The following ATP13A4 variants were observed in gnomAD, a reference collection of about 807,000 sequenced individuals.
ATP13A4 encodes the protein probable cation-transporting ATPase 13A4.
In ATP13A4, 114 loss-of-function variants were observed where a neutral mutation model predicts 142.5. The observed-to-expected ratio is 0.80, with a 90% CI of 0.69 to 0.93. The LOEUF (loss-of-function observed/expected upper bound fraction) is 0.93, where lower values mean the gene tolerates loss of function less well. Among genes scored for constraint, ATP13A4 ranks in the 40% least tolerant of loss-of-function variants. The probability of loss-of-function intolerance (pLI) is 0.00; values close to 1 mark genes in which losing one functional copy is unlikely to be tolerated. For missense variants in ATP13A4, 1,392 were observed against 1,454.0 expected, an observed-to-expected ratio of 0.96 and a Z score of 0.69; for synonymous variants, 488 against 514.8, an observed-to-expected ratio of 0.95 and a Z score of 0.70.
In ATP13A4 at chr3:193,412,189, G is replaced by T. The variant is rs1714804185; in HGVS notation, c.3197C>A (p.Thr1066Asn). The change falls in exon 27 of 30, where the codon ACT becomes AAT. Residue 1066 changes from threonine to asparagine, a missense_variant. Physicochemically the swap from Thr to Asn is moderately conservative, Grantham distance 65. Transcript: ENST00000342695. Reference protein sequence around the residue: ...FSKGKPFRQPTYTNYIFVLVL... With the variant: ...FSKGKPFRQPNYTNYIFVLVL... ...ACAGTTCTACTCACAGTTTGTATAA[G>T]TTGGCTGTCTAAATGGTTTTCCTTT... 12 of 1,605,110 alleles carry T rather than the reference G, an allele frequency of 7.5e-6. No individual in the cohort carries two copies. Among genetic ancestry groups the T allele is most frequent in the Non-Finnish European group, 8.5e-6 (10 of 1,171,948 alleles).
chr3:193,539,509 A>T (rs1722767617), intron 1 of ATP13A4, among the ~76,000 whole-genome samples: 1 of 152,234 alleles, frequency 6.6e-6, no homozygotes, highest in Admixed American at 6.5e-5. Flanking sequence ...CTGGAGAAAG[A>T]ATACTTTCTG....
intron 8 of ATP13A4, among the ~76,000 whole-genome samples, chr3:193,471,691 C>T (rs182971184): frequency 1.3e-5 from 2 of 152,070 alleles, no homozygotes; most frequent in Admixed American, 1.3e-4. Context: ...CACACACACA[C>T]ACAAACACAA....
In ATP13A4 at chr3:193,414,670, C is replaced by G. The variant is rs930860587; in HGVS notation, c.2923G>C (p.Val975Leu). The G allele has an allele frequency of 1.2e-6, 2 of 1,614,136 alleles. No homozygotes were observed. The highest frequency in any genetic ancestry group is 2.7e-5 in the African/African-American group (2 of 75,040). The change falls in exon 26 of 30, where the codon GTG (valine) becomes CTG (leucine). Residue 975 changes from valine (V) to leucine (L), a missense_variant. Coordinates refer to ENST00000342695, the MANE Select transcript of ATP13A4 (RefSeq NM_032279.4). The stretch of plus-strand genomic sequence containing the variant: ...AGGCTGAGAAGAATGTTGAAAATCA[C>G]AGAGAGTAGCAGAGGTGGAGAGATC... ...RLISPPLLLS[V>L]IFNILLSLAM... is the part of the protein sequence containing the mutation.
chr3:193,573,299 A>ACT (rs1724321672), intron 2 of ATP13A4, among the ~76,000 whole-genome samples: 2 of 78,596 alleles, frequency 2.5e-5, no homozygotes, highest in Admixed American at 1.3e-4. Context: ...ACACATATAT[A>ACT]TATATATACA....
chr3:193,495,001 G>C (rs1019892411), intron 3 of ATP13A4, among the ~76,000 whole-genome samples: 1 of 152,024 alleles, frequency 6.6e-6, no homozygotes, highest in African/African-American at 2.4e-5. Context: ...GATAAATCTA[G>C]AAGAAATGGA....
chr3:193,588,839 T>A, intron 1 of ATP13A4, among the ~76,000 whole-genome samples: 1 of 152,066 alleles, frequency 6.6e-6, no homozygotes, highest in East Asian at 1.9e-4. Context: ...TTTACTCTTT[T>A]TAAAAAAATA....
intron 2 of ATP13A4, among the ~76,000 whole-genome samples, chr3:193,565,280 G>T (rs954479687): frequency 3.2e-4 from 49 of 152,156 alleles, no homozygotes; most frequent in African/African-American, 1.2e-3. Context: ...GAGTCAATAT[G>T]AAGTTAGGTG....
At chr3:193,438,675 AGGT>A in intron 22 of ATP13A4, 91 bp from the exon 23 acceptor site, 1 of 1,148,316 alleles carries the variant, frequency 8.7e-7, no homozygotes, top group Non-Finnish European at 1.3e-6. Context: ...GCTGGCCACA[AGGT>A]GGTTTGTGTG....
intron 25 of ATP13A4, among the ~76,000 whole-genome samples, chr3:193,417,939 G>A (rs1262910187): frequency 4.1e-5 from 6 of 145,900 alleles, no homozygotes; most frequent in East Asian, 4.4e-4. Flanking sequence ...CGGCTAAAAC[G>A]GTGAAACCCC....
chr3:193,467,795 T>C (rs1687923952), intron 9 of ATP13A4, among the ~76,000 whole-genome samples: 1 of 151,982 alleles, frequency 6.6e-6, no homozygotes, highest in Non-Finnish European at 1.5e-5. Context: ...GGCTGTGCAG[T>C]CAAGAATGTG....
chr3:193,408,797 TTC>T lies in ATP13A4; in HGVS notation c.3298-1406_3298-1405del, dbSNP rs201958433. 7.9e-3 allele frequency among the ~76,000 whole-genome samples: 1,196 copies of T among 152,276 alleles called. 51 individuals carry two copies. The highest frequency in any genetic ancestry group is 0.073 in the Admixed American group (1,116 of 15,282). Reference sequence around the variant, plus strand: ...CATCTAGCCCTCCTTCTTCCCTCCCTTCGTTTTAGAGGATAAACCCACATCAC... The same window carrying T: ...CATCTAGCCCTCCTTCTTCCCTCCCTGTTTTAGAGGATAAACCCACATCAC... On this transcript the variant is annotated intron_variant, in intron 28 of 29. Transcript: ENST00000342695.
chr3:193,562,435 A>G (rs1297571518), intron 2 of ATP13A4, among the ~76,000 whole-genome samples: 1 of 152,198 alleles, frequency 6.6e-6, no homozygotes, highest in East Asian at 1.9e-4. Flanking sequence ...AAAAATGGGA[A>G]ATATCTGTGT....
intron 2 of ATP13A4, among the ~76,000 whole-genome samples, chr3:193,562,446 G>A (rs564673119): frequency 5.3e-4 from 80 of 152,302 alleles, no homozygotes; most frequent in African/African-American, 1.9e-3. Context: ...ATATCTGTGT[G>A]TGCGATGTAA....
At position 193,457,148 on chromosome 3, in the gene ATP13A4, T is replaced by TGGGACCTG. The variant is rs1011956281; in HGVS notation, c.1762-3_1766dup (p.Val590ArgfsTer22). 6.2e-7 allele frequency: 1 copy of TGGGACCTG among 1,612,880 alleles called. No homozygotes were observed. The highest frequency in any genetic ancestry group is 1.3e-5 in the African/African-American group (1 of 74,908). ...GATGCAGGATTGCAATTCCTTCCAC[T>TGGGACCTG]GGGACCTGGTTGAGGGATGGGGAAA... On this transcript the variant is annotated frameshift_variant, in exon 16 of 30. Transcript: ENST00000342695. LOFTEE classifies it high-confidence loss of function.
In ATP13A4 at chr3:193,407,352, G is replaced by A. The variant is rs1372239986; in HGVS notation, c.3339C>T (p.Ile1113=). ...TPVLWRASIV[I]MLSLNFIVSL... ...ACACAATGAAATTCAAGCTGAGCAT[G>A]ATGACAATGGAGGCCCTCCACAGGA... The change falls in exon 29 of 30, where the codon ATC becomes ATT. Residue 1113 remains isoleucine, a synonymous_variant. Coordinates refer to ENST00000342695, the MANE Select transcript of ATP13A4 (RefSeq NM_032279.4). 4 of 1,613,720 alleles carry A rather than the reference G, an allele frequency of 2.5e-6. No homozygotes were observed. Among genetic ancestry groups the A allele is most frequent in the Admixed American group, 1.7e-5 (1 of 60,002 alleles).
chr3:193,563,920 C>T (rs188342373), intron 2 of ATP13A4, among the ~76,000 whole-genome samples: 145 of 152,182 alleles, frequency 9.5e-4, no homozygotes, highest in African/African-American at 3.4e-3. Context: ...AAATGAGAGC[C>T]AGAAAAGTTA....
chr3:193,527,642 C>T (rs112039738), intron 1 of ATP13A4, among the ~76,000 whole-genome samples: 4 of 151,828 alleles, frequency 2.6e-5, no homozygotes, highest in Non-Finnish European at 4.4e-5. Context: ...GCACTTCCCC[C>T]CTCCCCTGCC....
intron 13 of ATP13A4, among the ~76,000 whole-genome samples, chr3:193,462,302 G>A (rs74365758): frequency 3.3e-5 from 5 of 151,784 alleles, no homozygotes; most frequent in Admixed American, 6.6e-5. Flanking sequence ...CAAGAAACAT[G>A]AGTACACTAG....
rs531448148 is a variant in ATP13A4 at position 193,400,704 on chromosome 3, A to G, written c.*1948T>C. ...GGAGATGATAAGCCCTTCCTTGTTC[A>G]GTCATGGGACAATTGGTACCATTCA... On this transcript the variant is annotated 3_prime_UTR_variant, in exon 30 of 30. Coordinates refer to ENST00000342695, the MANE Select transcript of ATP13A4 (RefSeq NM_032279.4). Among the ~76,000 whole-genome samples the G allele has an allele frequency of 9.5e-5, 5 of 52,546 alleles. No individual in the cohort carries two copies. The Admixed American group carries it at 1.1e-3, about 12-fold the overall frequency. 34.5% of individuals were successfully genotyped at this position (52,546 alleles called of 152,430 possible).
Sources: gnomAD v4.1 joint callset for allele counts (sites outside exome capture counted in the v4.1 genomes callset) on GRCh38, gnomAD v4.1.1 for gene constraint, MANE v1.5 for transcripts, NCBI Gene and HGNC (gene_info 2026-07-23, HGNC 2026-07-21) for gene names.